The following C11orf65 variants were observed in gnomAD, a reference collection of about 807,000 sequenced individuals.
C11orf65 encodes chromosome 11 open reading frame 65.
A neutral mutation model predicts 35.3 loss-of-function variants in C11orf65; 38 were observed. That is an observed-to-expected ratio of 1.08 (90% CI 0.83 to 1.41). C11orf65 has a LOEUF of 1.41. Ranked by LOEUF, C11orf65 falls within the 40% of genes most tolerant of loss-of-function variation. The probability of loss-of-function intolerance (pLI) is 0.00; values close to 1 mark genes in which losing one functional copy is unlikely to be tolerated. For missense variants in C11orf65, 370 were observed against 367.1 expected (o/e 1.01, Z -0.06); for synonymous variants, 105 against 114.4 (o/e 0.92, Z 0.53).
intron 6 of C11orf65, among the ~76,000 whole-genome samples, chr11:108,311,445 C>T (rs545735688): frequency 1.3e-5 from 2 of 152,226 alleles, no homozygotes; most frequent in South Asian, 4.1e-4. Flanking sequence ...CATGTAATCC[C>T]AGCACTTTGG....
At chr11:108,313,690 G>A (rs537732659) in intron 6 of C11orf65, among the ~76,000 whole-genome samples, 6 of 152,102 alleles carry the variant, frequency 3.9e-5, no homozygotes, top group African/African-American at 1.2e-4. Flanking sequence ...GCTAAGCATG[G>A]GTACTGAACT....
At chr11:108,354,289 CTTTACT>C (rs2089612292) in intron 2 of C11orf65, among the ~76,000 whole-genome samples, 1 of 152,160 alleles carries the variant, frequency 6.6e-6, no homozygotes, top group African/African-American at 2.4e-5. Flanking sequence ...AGCATCCCAC[CTTTACT>C]TTTAACACCT....
intron 2 of C11orf65, among the ~76,000 whole-genome samples, chr11:108,373,829 G>C (rs1268946510): frequency 6.6e-6 from 1 of 152,214 alleles, no homozygotes; most frequent in African/African-American, 2.4e-5. Context: ...CCCGAATACT[G>C]CGCTTTTCCG....
At chr11:108,373,542 G>T (rs557868029) in intron 2 of C11orf65, among the ~76,000 whole-genome samples, 1 of 152,338 alleles carries the variant, frequency 6.6e-6, no homozygotes, top group Non-Finnish European at 1.5e-5. Context: ...GAAGTGGGAG[G>T]AGCCAAGATG....
At chr11:108,325,680 T>G in intron 6 of C11orf65, 2 of 827,852 alleles carry the variant, frequency 2.4e-6, no homozygotes, top group Non-Finnish European at 3.7e-6. Flanking sequence ...AATAATTGTT[T>G]AAGAGTTCCC....
intron 6 of C11orf65, chr11:108,317,652 T>TATATATATATATACACACACACACAC (rs1399501257): frequency 4.3e-5 from 5 of 117,454 alleles, no homozygotes; most frequent in African/African-American, 2.0e-4. Flanking sequence ...TATATATATA[T>TATATATATATATACACACACACACAC]ACACACACAC....
chr11:108,443,888 C>A (rs1486658009), intron 2 of C11orf65, among the ~76,000 whole-genome samples: 20 of 151,366 alleles, frequency 1.3e-4, no homozygotes, highest in Admixed American at 1.3e-3. Flanking sequence ...CAATTGACAC[C>A]CTAACATCAC....
intron 2 of C11orf65, among the ~76,000 whole-genome samples, chr11:108,441,207 G>A (rs1372566502): frequency 8.5e-5 from 13 of 152,192 alleles, no homozygotes; most frequent in African/African-American, 1.7e-4. Flanking sequence ...CCACACCCAC[G>A]GAACCTTGCT....
chr11:108,460,794 C>G (rs143919391), intron 2 of C11orf65, among the ~76,000 whole-genome samples: 1 of 151,994 alleles, frequency 6.6e-6, no homozygotes, highest in Non-Finnish European at 1.5e-5. Flanking sequence ...GGCGTGATCT[C>G]GGCTCATCAC....
chr11:108,405,603 A>G (rs755592293), intron 5 of C11orf65, 44 bp from the exon 6 acceptor site: 1 of 1,593,476 alleles, frequency 6.3e-7, no homozygotes, highest in Non-Finnish European at 8.6e-7. Context: ...TGAAATATCG[A>G]TTGTGAGGTT....
rs1299343226 is a variant in C11orf65 at position 108,406,730 on chromosome 11, T to C, written c.429+33A>G. 6 of 1,389,330 alleles carry C rather than the reference T, an allele frequency of 4.3e-6. No homozygotes were observed. The Admixed American group carries it at 1.2e-4, about 27-fold the overall frequency. 86.1% of individuals were successfully genotyped at this position (1,389,330 alleles called of 1,614,324 possible). A position where few individuals can be genotyped will look rare whatever the true frequency, so the allele number is the denominator to read the frequency against. On this transcript the variant is annotated intron_variant, in intron 5 of 8. Transcript: ENST00000393084. Reference sequence around the variant, plus strand: ...AAAGACAAATGGGTTTCTAAATACGTAAGGTTAAAAATTAACATTTCTCTT... The same window carrying C: ...AAAGACAAATGGGTTTCTAAATACGCAAGGTTAAAAATTAACATTTCTCTT...
In C11orf65 at chr11:108,317,822, T is replaced by G. The variant is rs551341403; in HGVS notation, c.641-8751A>C. 5.3e-5 allele frequency among the ~76,000 whole-genome samples: 8 copies of G among 151,640 alleles called. No individual in the cohort carries two copies. In the South Asian group the frequency reaches 1.2e-3, roughly 24 times the overall value. On this transcript the variant is annotated intron_variant, in intron 6 of 6. Transcript: ENST00000525729. ...TAATGCACCTAGGCTTGAATTTTAC[T>G]CTCTTATTCCATTAGGACAACTTCA...
chr11:108,312,345 G>A, intron 6 of C11orf65: 1 of 1,190,758 alleles, frequency 8.4e-7, no homozygotes, highest in Non-Finnish European at 1.3e-6. Context: ...AAAGTCTATA[G>A]TATATGTATT....
chr11:108,362,573 G>C (rs2090897993), intron 2 of C11orf65, among the ~76,000 whole-genome samples: 1 of 149,906 alleles, frequency 6.7e-6, no homozygotes, highest in Admixed American at 6.7e-5. Context: ...TGATAGACTG[G>C]ATTAAGAAAA....
chr11:108,343,337 ATTTCAGTGCC>A lies in C11orf65; in HGVS notation c.227-8055_227-8046del, dbSNP rs786202800. ...GCTCATAAAAGATACAGGCCAAATG[ATTTCAGTGCC>A]TTTCAGTGCCAAAAGAAAATGATGG... On this transcript the variant is annotated intron_variant, in intron 2 of 3. Coordinates refer to the C11orf65 transcript ENST00000524755. 20 of 1,613,922 alleles carry A rather than the reference ATTTCAGTGCC, an allele frequency of 1.2e-5. No individual in the cohort carries two copies. Among genetic ancestry groups the A allele is most frequent in the South Asian group, 2.2e-5 (2 of 91,084 alleles).
At chr11:108,317,678 ATATAT>A (rs1278052424) in intron 6 of C11orf65, among the ~76,000 whole-genome samples, 23 of 139,632 alleles carry the variant, frequency 1.6e-4, no homozygotes, top group Admixed American at 4.3e-4. Context: ...CACACACTAT[ATATAT>A]ATACATACCA....
chr11:108,335,641 G>A (rs371032532), intron 2 of C11orf65, among the ~76,000 whole-genome samples: 12 of 152,226 alleles, frequency 7.9e-5, no homozygotes, highest in South Asian at 2.1e-4. Context: ...CAGAAGTAGC[G>A]AGGGGAAACT....
chr11:108,335,523 T>C (rs1288702875), intron 2 of C11orf65, among the ~76,000 whole-genome samples: 7 of 152,232 alleles, frequency 4.6e-5, no homozygotes, highest in Admixed American at 4.6e-4. Context: ...TACCATTTGC[T>C]GACGAGCTCT....
At chr11:108,418,610 G>C (rs933496373) in intron 3 of C11orf65, among the ~76,000 whole-genome samples, 6 of 151,794 alleles carry the variant, frequency 4.0e-5, no homozygotes, top group African/African-American at 9.7e-5. Flanking sequence ...AAAAATAACA[G>C]CAAACAGAAT....
Sources: allele counts gnomAD v4.1 joint callset (sites outside exome capture counted in the v4.1 genomes callset), GRCh38; gene constraint gnomAD v4.1.1; transcripts MANE v1.5; gene names NCBI Gene and HGNC (gene_info 2026-07-23, HGNC 2026-07-21).